Variants in KCNT2 observed in about 807,000 individuals in gnomAD.
KCNT2 encodes the protein potassium sodium-activated channel subfamily T member 2.
A neutral mutation model predicts 153.8 loss-of-function variants in KCNT2; 67 were observed. The ratio of observed to expected loss-of-function variants is 0.44; its 90% CI spans 0.36 to 0.53. The LOEUF (loss-of-function observed/expected upper bound fraction) is 0.53, where lower values mean the gene tolerates loss of function less well. Ranked by LOEUF, KCNT2 falls within the 20% of genes least tolerant of loss-of-function variation. The pLI is 0.00. For synonymous variants in KCNT2, 500 were observed against 458.8 expected, an observed-to-expected ratio of 1.09 and a Z score of -1.15; for missense variants, 975 against 1,354.8, an observed-to-expected ratio of 0.72 and a Z score of 4.40.
intron 1 of KCNT2, among the ~76,000 whole-genome samples, chr1:196,607,616 A>G (rs1251474444): frequency 6.6e-6 from 1 of 152,222 alleles, no homozygotes; most frequent in East Asian, 1.9e-4. Context: ...GTTCAAAGTG[A>G]GTATATTGTA....
chr1:196,455,483 C>A (rs1181090713), intron 8 of KCNT2, among the ~76,000 whole-genome samples: 1 of 151,928 alleles, frequency 6.6e-6, no homozygotes, highest in African/African-American at 2.4e-5. Flanking sequence ...ATATTTTAAT[C>A]TCTAGACTCA....
chr1:196,492,222 A>T (rs761406072), intron 2 of KCNT2, 40 bp downstream of exon 2: 2 of 1,368,304 alleles, frequency 1.5e-6, no homozygotes, highest in Admixed American at 7.2e-5. Context: ...TTTGAAGTAA[A>T]TATATGTACG....
At position 196,333,897 on chromosome 1, in the gene KCNT2, G is replaced by T; in HGVS notation, c.1947C>A (p.Asp649Glu). The change falls in exon 17 of 28, where the codon GAC becomes GAA. Residue 649 changes from aspartate to glutamate, a missense_variant. By Grantham distance (45) the Asp-to-Glu change is conservative (BLOSUM62 2). Transcript: ENST00000294725. ...CTGGTGTAGTTTCATCTTCTGATTG[G>T]TCACTTAGAAGATCACATGTTTGAA... is the stretch of plus-strand genomic sequence containing the variant. ...SSIQTCDLLS[D>E]QSEDETTPDE... 6.2e-7 allele frequency: 1 copy of T among 1,612,138 alleles called. No homozygotes were observed. The highest frequency in any genetic ancestry group is 8.5e-7 in the Non-Finnish European group (1 of 1,178,694).
intron 1 of KCNT2, among the ~76,000 whole-genome samples, chr1:196,519,040 A>T (rs1652992914): frequency 6.6e-6 from 1 of 152,182 alleles, no homozygotes; most frequent in Admixed American, 6.5e-5. Context: ...ATACAATCCA[A>T]CATAAAAAAA....
At chr1:196,387,573 T>C (rs1428190215) in intron 13 of KCNT2, among the ~76,000 whole-genome samples, 1 of 151,962 alleles carries the variant, frequency 6.6e-6, no homozygotes, top group African/African-American at 2.4e-5. Flanking sequence ...CATGAGAGCT[T>C]CAGTCACATG....
chr1:196,394,276 A>G (rs933709580), intron 13 of KCNT2, among the ~76,000 whole-genome samples: 2 of 151,610 alleles, frequency 1.3e-5, no homozygotes, highest in Admixed American at 6.6e-5. Context: ...GTAAGCTTAT[A>G]GATACAACAT....
chr1:196,504,058 A>G (rs1680915794), intron 1 of KCNT2, among the ~76,000 whole-genome samples: 1 of 152,202 alleles, frequency 6.6e-6, no homozygotes, highest in South Asian at 2.1e-4. Flanking sequence ...TTCACTTAAT[A>G]CAAACTTACG....
At chr1:196,344,211 T>A (rs886933198) in intron 14 of KCNT2, among the ~76,000 whole-genome samples, 2 of 152,192 alleles carry the variant, frequency 1.3e-5, no homozygotes, top group Non-Finnish European at 2.9e-5. Context: ...GATGTTGGGA[T>A]CAGAGAAAAC....
intron 20 of KCNT2, among the ~76,000 whole-genome samples, chr1:196,318,589 A>C (rs1662968592): frequency 6.6e-6 from 1 of 151,958 alleles, no homozygotes; most frequent in South Asian, 2.1e-4. Flanking sequence ...ATTGGTTATA[A>C]AACATGTGTA....
intron 26 of KCNT2, among the ~76,000 whole-genome samples, chr1:196,238,644 C>T (rs1654666741): frequency 6.6e-6 from 1 of 151,836 alleles, no homozygotes; most frequent in Admixed American, 6.6e-5. Context: ...TTGTTCTCTG[C>T]CATGCTGCTT....
intron 13 of KCNT2, among the ~76,000 whole-genome samples, chr1:196,387,912 G>A (rs958703807): frequency 2.0e-5 from 3 of 149,336 alleles, no homozygotes; most frequent in Admixed American, 6.7e-5. Flanking sequence ...GTTTAATTTT[G>A]ATGAAAGCCA....
intron 26 of KCNT2, among the ~76,000 whole-genome samples, chr1:196,249,820 T>C (rs1330364367): frequency 1.3e-5 from 2 of 151,122 alleles, no homozygotes; most frequent in East Asian, 2.0e-4. Flanking sequence ...CAGTGAACAA[T>C]CTGATAAAAT....
intron 12 of KCNT2, among the ~76,000 whole-genome samples, chr1:196,409,803 G>T (rs1488077564): frequency 2.0e-5 from 3 of 151,624 alleles, no homozygotes; most frequent in African/African-American, 7.3e-5. Context: ...AATGCCTTTG[G>T]ATGTATAACA....
chr1:196,560,055 T>C (rs1359611366), intron 1 of KCNT2, among the ~76,000 whole-genome samples: 1 of 151,918 alleles, frequency 6.6e-6, no homozygotes, highest in Non-Finnish European at 1.5e-5. Flanking sequence ...TAATTTAATT[T>C]GCCGTATGTG....
At chr1:196,411,993 G>C (rs554858536) in intron 12 of KCNT2, among the ~76,000 whole-genome samples, 34 of 151,714 alleles carry the variant, frequency 2.2e-4, no homozygotes, top group African/African-American at 8.2e-4. Flanking sequence ...ATTTATTTTA[G>C]CATGTTGAAC....
At chr1:196,254,329 C>T (rs1302365735) in intron 26 of KCNT2, among the ~76,000 whole-genome samples, 1 of 151,336 alleles carries the variant, frequency 6.6e-6, no homozygotes, top group African/African-American at 2.4e-5. Flanking sequence ...GGAAAATACA[C>T]ACACACTCAT....
intron 5 of KCNT2, among the ~76,000 whole-genome samples, chr1:196,475,367 C>A (rs997920089): frequency 2.0e-5 from 3 of 152,102 alleles, no homozygotes; most frequent in Non-Finnish European, 4.4e-5. Context: ...ATAATCCCAG[C>A]ACTTCGGGAG....
At chr1:196,410,800 C>T (rs1344759947) in intron 12 of KCNT2, among the ~76,000 whole-genome samples, 4 of 151,372 alleles carry the variant, frequency 2.6e-5, no homozygotes, top group African/African-American at 9.7e-5. Flanking sequence ...CAAAGTCAAG[C>T]TTTTCCTCTG....
intron 13 of KCNT2, among the ~76,000 whole-genome samples, chr1:196,381,148 G>T (rs570726164): frequency 2.0e-5 from 3 of 152,110 alleles, no homozygotes. Context: ...TTTTCCAGTT[G>T]CTTCAATACT....
Sources: allele counts gnomAD v4.1 joint callset (sites outside exome capture counted in the v4.1 genomes callset), GRCh38; gene constraint gnomAD v4.1.1; transcripts MANE v1.5; gene names NCBI Gene and HGNC (gene_info 2026-07-23, HGNC 2026-07-21).